The following DNM3 variants were observed in gnomAD, a reference collection of about 807,000 sequenced individuals.
The protein encoded by DNM3 is dynamin 3.
A neutral mutation model predicts 101.6 loss-of-function variants in DNM3; 47 were observed. The ratio of observed to expected loss-of-function variants is 0.46; its 90% CI spans 0.37 to 0.59. DNM3 has a LOEUF of 0.59. Among genes scored for constraint, DNM3 ranks in the 20% least tolerant of loss-of-function variants. The pLI is 0.00. For synonymous variants in DNM3, 385 were observed against 387.9 expected (o/e 0.99, Z 0.09); for missense variants, 849 against 1,085.7 (o/e 0.78, Z 3.06).
intron 15 of DNM3, among the ~76,000 whole-genome samples, chr1:172,258,781 C>T (rs1250696719): frequency 6.6e-6 from 1 of 151,760 alleles, no homozygotes; most frequent in Admixed American, 6.6e-5. Context: ...TTATTTCCTT[C>T]TATTAATTCT....
At chr1:172,358,736 G>A (rs887874387) in intron 17 of DNM3, among the ~76,000 whole-genome samples, 3 of 152,000 alleles carry the variant, frequency 2.0e-5, no homozygotes, top group African/African-American at 7.2e-5. Flanking sequence ...GCTCCAGACT[G>A]CTTTTCTTGA....
intron 14 of DNM3, among the ~76,000 whole-genome samples, chr1:172,142,983 CTT>C (rs1485787191): frequency 6.6e-6 from 1 of 151,872 alleles, no homozygotes; most frequent in Admixed American, 6.6e-5. Context: ...GAAAGGATAA[CTT>C]TACTATATCA....
intron 13 of DNM3, among the ~76,000 whole-genome samples, chr1:172,106,844 A>ATTTTT (rs1289662689): frequency 2.5e-4 from 13 of 51,038 alleles, no homozygotes; most frequent in South Asian, 7.6e-4. Context: ...AGGTAACATT[A>ATTTTT]TTCTTTTTTT....
intron 14 of DNM3, among the ~76,000 whole-genome samples, chr1:172,243,689 C>A (rs2061832900): frequency 6.6e-6 from 1 of 152,148 alleles, no homozygotes; most frequent in Non-Finnish European, 1.5e-5. Context: ...GGAGTTTATA[C>A]AGTGCTCAAG....
intron 16 of DNM3, among the ~76,000 whole-genome samples, chr1:172,315,988 G>C (rs2065327494): frequency 6.6e-6 from 1 of 152,136 alleles, no homozygotes; most frequent in East Asian, 1.9e-4. Flanking sequence ...CAGCCAGAGA[G>C]AAAGGTCGGG....
chr1:172,227,703 G>GT (rs2148592801), intron 14 of DNM3, among the ~76,000 whole-genome samples: 1 of 152,022 alleles, frequency 6.6e-6, no homozygotes, highest in Admixed American at 6.6e-5. Flanking sequence ...ATTTTTTCAT[G>GT]TTTTTTGGCC....
chr1:172,278,369 A>AGAG (rs1011015379), intron 15 of DNM3, among the ~76,000 whole-genome samples: 86 of 152,162 alleles, frequency 5.7e-4, no homozygotes, highest in African/African-American at 2.0e-3. Flanking sequence ...TGGAAGAAGA[A>AGAG]TTGTCTTGGG....
At chr1:172,171,749 T>G (rs1278879182) in intron 14 of DNM3, among the ~76,000 whole-genome samples, 1 of 151,732 alleles carries the variant, frequency 6.6e-6, no homozygotes, top group African/African-American at 2.4e-5. Context: ...ATTGTAAAAT[T>G]GACTTAACCA....
intron 8 of DNM3, among the ~76,000 whole-genome samples, chr1:172,043,106 G>T (rs2049510168): frequency 6.6e-6 from 1 of 152,148 alleles, no homozygotes; most frequent in Non-Finnish European, 1.5e-5. Flanking sequence ...AACTTCTTTA[G>T]CTTTCCAGTA....
chr1:171,920,426 C>T (rs1214833378), intron 1 of DNM3, among the ~76,000 whole-genome samples: 2 of 152,152 alleles, frequency 1.3e-5, no homozygotes, highest in Non-Finnish European at 2.9e-5. Flanking sequence ...GCATCAGAAA[C>T]ATCTGGGAGC....
intron 1 of DNM3, among the ~76,000 whole-genome samples, chr1:171,866,931 G>A (rs2034809844): frequency 6.6e-6 from 1 of 152,196 alleles, no homozygotes; most frequent in Non-Finnish European, 1.5e-5. Flanking sequence ...TGTCAAAGCA[G>A]TCACACTCAG....
intron 17 of DNM3, among the ~76,000 whole-genome samples, chr1:172,343,399 A>G (rs896262827): frequency 2.0e-5 from 3 of 152,204 alleles, no homozygotes; most frequent in Non-Finnish European, 4.4e-5. Context: ...TAAAAAAAAA[A>G]AGTAAAATTC....
At chr1:172,041,973 C>T in intron 7 of DNM3, 36 bp from the exon 8 acceptor site, 1 of 1,548,122 alleles carries the variant, frequency 6.5e-7, no homozygotes, top group Non-Finnish European at 8.7e-7. Flanking sequence ...AGGCTTGTAA[C>T]TTTGACTTGA....
intron 15 of DNM3, chr1:172,289,990 A>G: frequency 1.1e-6 from 1 of 917,516 alleles, no homozygotes; most frequent in Non-Finnish European, 1.3e-6. Flanking sequence ...TATTATTGAC[A>G]TCATAGGTTT....
intron 1 of DNM3, among the ~76,000 whole-genome samples, chr1:171,867,605 T>G (rs1370964983): frequency 6.6e-6 from 1 of 152,214 alleles, no homozygotes; most frequent in Non-Finnish European, 1.5e-5. Flanking sequence ...ACTCATAAAT[T>G]TTTCCATACT....
chr1:171,910,154 G>T (rs1368574278), intron 1 of DNM3, among the ~76,000 whole-genome samples: 2 of 152,210 alleles, frequency 1.3e-5, no homozygotes, highest in Admixed American at 6.5e-5. Context: ...AAAGGTTAAA[G>T]TTGTAAGTGT....
At chr1:172,163,442 G>A (rs887862081) in intron 14 of DNM3, among the ~76,000 whole-genome samples, 40 of 152,000 alleles carry the variant, frequency 2.6e-4, no homozygotes, top group African/African-American at 9.4e-4. Flanking sequence ...GTTTCGCCAT[G>A]TTAGCCAGGA....
intron 14 of DNM3, chr1:172,140,005 C>G (rs575686780): frequency 6.6e-6 from 1 of 151,692 alleles, no homozygotes; most frequent in South Asian, 2.1e-4. Context: ...AACACAGCAC[C>G]AAAAAAACAC....
At chr1:172,231,162 G>A (rs560719518) in intron 14 of DNM3, among the ~76,000 whole-genome samples, 23 of 148,980 alleles carry the variant, frequency 1.5e-4, no homozygotes, top group African/African-American at 4.4e-4. Flanking sequence ...GCTACTTGGC[G>A]GTCAGGGACC....
Sources: gnomAD v4.1 joint callset for allele counts (sites outside exome capture counted in the v4.1 genomes callset) on GRCh38, gnomAD v4.1.1 for gene constraint, MANE v1.5 for transcripts, NCBI Gene and HGNC (gene_info 2026-07-23, HGNC 2026-07-21) for gene names.